Variants in MARCHF1 observed in about 807,000 individuals in gnomAD.
MARCHF1 encodes membrane associated ring-CH-type finger 1.
A neutral mutation model predicts 54.2 loss-of-function variants in MARCHF1; 40 were observed. The ratio of observed to expected loss-of-function variants is 0.74; its 90% CI spans 0.57 to 0.96. The LOEUF is 0.96. Ranked by LOEUF, MARCHF1 falls within the 40% of genes least tolerant of loss-of-function variation. The pLI, the probability that MARCHF1 is intolerant of heterozygous loss-of-function variation, is 0.00. For missense variants in MARCHF1, 586 were observed against 656.5 expected (o/e 0.89, Z 1.17); for synonymous variants, 236 against 236.3 (o/e 1.00, Z 0.01).
At chr4:163,840,976 TTA>T (rs1491350859) in intron 4 of MARCHF1, among the ~76,000 whole-genome samples, 1 of 38,212 alleles carries the variant, frequency 2.6e-5, no homozygotes, top group Non-Finnish European at 9.2e-5. Flanking sequence ...GAGCAATTTT[TTA>T]AAAAAAATCT....
At chr4:164,119,167 CCA>C (rs1406869332) in intron 1 of MARCHF1, among the ~76,000 whole-genome samples, 1 of 151,452 alleles carries the variant, frequency 6.6e-6, no homozygotes, top group Non-Finnish European at 1.5e-5. Context: ...ACAGTATTCC[CCA>C]GTCACAATGC....
intron 8 of MARCHF1, among the ~76,000 whole-genome samples, chr4:163,546,764 C>T (rs1414958087): frequency 1.3e-5 from 2 of 152,232 alleles, no homozygotes; most frequent in Non-Finnish European, 2.9e-5. Flanking sequence ...GAGGGCTGCT[C>T]CCTCAGTCTG....
chr4:163,532,215 A>G (rs1738377079), intron 9 of MARCHF1, among the ~76,000 whole-genome samples: 1 of 151,920 alleles, frequency 6.6e-6, no homozygotes, highest in African/African-American at 2.4e-5. Context: ...TGATCAAGAC[A>G]GTGTGGTATC....
chr4:163,781,816 G>A (rs958060506), intron 4 of MARCHF1, among the ~76,000 whole-genome samples: 5 of 152,180 alleles, frequency 3.3e-5, no homozygotes, highest in Admixed American at 2.6e-4. Context: ...ATGATTCCAA[G>A]TTTGGAAAAA....
intron 1 of MARCHF1, among the ~76,000 whole-genome samples, chr4:164,351,005 C>A (rs368811976): frequency 6.6e-6 from 1 of 151,942 alleles, no homozygotes; most frequent in Non-Finnish European, 1.5e-5. Context: ...GGGTGACGGA[C>A]GCACCTGGAA....
At chr4:163,624,027 C>T (rs1741781559) in intron 5 of MARCHF1, among the ~76,000 whole-genome samples, 1 of 152,112 alleles carries the variant, frequency 6.6e-6, no homozygotes, top group Admixed American at 6.5e-5. Flanking sequence ...CCTCGTGAAC[C>T]GTAACATCAC....
chr4:163,564,118 C>A lies in MARCHF1; in HGVS notation c.1192-18375G>T, dbSNP rs1251870164. Among the ~76,000 whole-genome samples the A allele has an allele frequency of 2.0e-5, 3 of 152,174 alleles. No homozygotes were observed. In the East Asian group the frequency reaches 5.8e-4, roughly 29 times the overall value. The stretch of plus-strand genomic sequence containing the variant: ...TCACTTCACTCTCTTTTACCACAAC[C>A]TCCTTAACCATTCGCCTTACTGTTC... On this transcript the variant is annotated intron_variant, in intron 8 of 9. Transcript: ENST00000514618.
intron 1 of MARCHF1, among the ~76,000 whole-genome samples, chr4:164,215,146 G>T (rs1037899554): frequency 2.6e-5 from 4 of 152,198 alleles, no homozygotes; most frequent in African/African-American, 9.7e-5. Flanking sequence ...TTTACCGGAA[G>T]AATTGGATGA....
chr4:163,567,251 C>T (rs1262633628), intron 8 of MARCHF1, among the ~76,000 whole-genome samples: 1 of 151,820 alleles, frequency 6.6e-6, no homozygotes, highest in Non-Finnish European at 1.5e-5. Flanking sequence ...AAAAAAAGAA[C>T]CCATCTTTAT....
At chr4:163,801,990 A>G (rs1034874399) in intron 4 of MARCHF1, among the ~76,000 whole-genome samples, 1 of 151,944 alleles carries the variant, frequency 6.6e-6, no homozygotes, top group African/African-American at 2.4e-5. Flanking sequence ...TTTTGATTAG[A>G]CCTCTGATTC....
chr4:164,295,894 T>C (rs1734398000), intron 1 of MARCHF1, among the ~76,000 whole-genome samples: 1 of 152,102 alleles, frequency 6.6e-6, no homozygotes. Context: ...TAATAAGACT[T>C]GTTAATTTAG....
intron 3 of MARCHF1, among the ~76,000 whole-genome samples, chr4:163,893,064 A>AC (rs1750696012): frequency 6.9e-6 from 1 of 145,362 alleles, no homozygotes; most frequent in African/African-American, 2.5e-5. Context: ...CCCCAGAAGG[A>AC]TTTTTTTTTT....
chr4:163,945,821 T>A (rs1164497468), intron 3 of MARCHF1, among the ~76,000 whole-genome samples: 1 of 152,114 alleles, frequency 6.6e-6, no homozygotes, highest in Non-Finnish European at 1.5e-5. Flanking sequence ...AAGCTTTCAT[T>A]TGAAAAGGGT....
intron 5 of MARCHF1, among the ~76,000 whole-genome samples, chr4:163,630,037 A>G (rs1245380491): frequency 6.6e-6 from 1 of 152,218 alleles, no homozygotes; most frequent in South Asian, 2.1e-4. Context: ...GCAGTTTCAT[A>G]TAAAGTTAAA....
At chr4:163,959,935 C>A (rs2110807718) in intron 3 of MARCHF1, among the ~76,000 whole-genome samples, 1 of 151,798 alleles carries the variant, frequency 6.6e-6, no homozygotes, top group Admixed American at 6.6e-5. Flanking sequence ...GGTCTAAAAT[C>A]CAACATGTAT....
intron 3 of MARCHF1, among the ~76,000 whole-genome samples, chr4:163,958,400 CA>C (rs2110803033): frequency 6.6e-6 from 1 of 152,086 alleles, no homozygotes; most frequent in East Asian, 1.9e-4. Flanking sequence ...AATGGATATT[CA>C]GTGTCCAGAA....
intron 3 of MARCHF1, among the ~76,000 whole-genome samples, chr4:163,974,762 T>C (rs985660983): frequency 5.9e-5 from 9 of 152,094 alleles, no homozygotes; most frequent in African/African-American, 2.2e-4. Context: ...CTGGTGACGG[T>C]GTTTATGTGT....
At chr4:163,550,451 A>G (rs1423784337) in intron 8 of MARCHF1, among the ~76,000 whole-genome samples, 5 of 151,362 alleles carry the variant, frequency 3.3e-5, no homozygotes, top group African/African-American at 1.2e-4. Flanking sequence ...AGAATGATAG[A>G]CCAAAAAATT....
intron 2 of MARCHF1, among the ~76,000 whole-genome samples, chr4:163,997,925 TACACAC>T (rs5863648): frequency 0.068 from 10,117 of 148,108 alleles, 671 homozygotes; most frequent in East Asian, 0.33. Flanking sequence ...TTGCCTTAAA[TACACAC>T]ACACACACAC....
Sources: allele counts gnomAD v4.1 joint callset (sites outside exome capture counted in the v4.1 genomes callset), GRCh38; gene constraint gnomAD v4.1.1; transcripts MANE v1.5; gene names NCBI Gene and HGNC (gene_info 2026-07-23, HGNC 2026-07-21).